Variants in SHOC1 observed in about 807,000 individuals in gnomAD.
SHOC1 encodes protein shortage in chiasmata 1 ortholog.
In SHOC1, 136 loss-of-function variants were observed where a neutral mutation model predicts 179.2. That is an observed-to-expected ratio of 0.76 (90% CI 0.66 to 0.87). The LOEUF (loss-of-function observed/expected upper bound fraction) is 0.87, where lower values mean the gene tolerates loss of function less well. Among genes scored for constraint, SHOC1 ranks in the 40% least tolerant of loss-of-function variants. The pLI is 0.00. For synonymous variants in SHOC1, 489 were observed against 586.6 expected (o/e 0.83, Z 2.41); for missense variants, 1,538 against 1,700.8 (o/e 0.90, Z 1.68).
intron 24 of SHOC1, among the ~76,000 whole-genome samples, chr9:111,694,587 C>T (rs935362764): frequency 1.3e-5 from 2 of 151,818 alleles, no homozygotes; most frequent in Non-Finnish European, 2.9e-5. Flanking sequence ...ATTTTTGGAA[C>T]TAAATCATTT....
intron 3 of SHOC1, among the ~76,000 whole-genome samples, chr9:111,784,825 GAA>G (rs1836204764): frequency 6.6e-6 from 1 of 152,146 alleles, no homozygotes; most frequent in Non-Finnish European, 1.5e-5. Context: ...TCACATGGCA[GAA>G]AGGTCAAGGG....
At position 111,693,865 on chromosome 9, in the gene SHOC1, C is replaced by T. The variant is rs762537168; in HGVS notation, c.3399G>A (p.Trp1133Ter). The T allele has an allele frequency of 2.5e-6, 4 of 1,611,230 alleles. No individual in the cohort carries two copies. The highest frequency in any genetic ancestry group is 3.4e-6 in the Non-Finnish European group (4 of 1,177,810). The change falls in exon 26 of 28, where the codon TGG becomes TGA. Residue 1133 changes from tryptophan to a stop codon, truncating the protein, a stop_gained. Transcript: ENST00000682961. LOFTEE classifies it high-confidence loss of function. ...GTTGACACAGAGTTGCTAATAATAT[C>T]CAATGCAGTGAAGGTCCTTTATTTA... ...LMLNKGPSLH[W>*]ILLATLCQLQ...
intron 8 of SHOC1, among the ~76,000 whole-genome samples, chr9:111,752,924 G>A (rs62572566): frequency 0.076 from 11,554 of 152,070 alleles, 632 homozygotes; most frequent in South Asian, 0.21. Context: ...GAATAAAAAT[G>A]AACAGAGGCC....
chr9:111,712,488 G>A (rs1198984606), intron 18 of SHOC1, among the ~76,000 whole-genome samples: 1 of 152,074 alleles, frequency 6.6e-6, no homozygotes, highest in East Asian at 1.9e-4. Context: ...TTATATGAGA[G>A]GAAGTAGTAT....
intron 3 of SHOC1, among the ~76,000 whole-genome samples, chr9:111,781,939 G>GA (rs1006401319): frequency 2.0e-5 from 3 of 151,798 alleles, no homozygotes; most frequent in East Asian, 1.9e-4. Context: ...TGAAAAACAT[G>GA]AAAAAAAATA....
In SHOC1 at chr9:111,706,679, A is replaced by G. The variant is rs1307495080; in HGVS notation, c.2626T>C (p.Phe876Leu). ...TCCACATAATTGTATTCCACCACAA[A>G]TGAGAAATTACTCCAGGGGAAATCT... The part of the protein sequence containing the change: ...GADFPWSNFS[F>L]VVEYNYVEDS... Residue 876 changes from phenylalanine to leucine, a missense_variant, in exon 20 of 28, where the codon TTT (phenylalanine) becomes CTT (leucine). Phe to Leu is a conservative substitution (Grantham distance 22, BLOSUM62 0). Coordinates refer to ENST00000682961, the MANE Select transcript of SHOC1 (RefSeq NM_001378211.1). 1.3e-5 allele frequency: 21 copies of G among 1,609,900 alleles called. No individual in the cohort carries two copies. Among genetic ancestry groups the G allele is most frequent in the Non-Finnish European group, 1.8e-5 (21 of 1,177,368 alleles).
intron 27 of SHOC1, among the ~76,000 whole-genome samples, chr9:111,689,710 A>T (rs1054741081): frequency 1.3e-5 from 2 of 152,096 alleles, no homozygotes; most frequent in African/African-American, 2.4e-5. Flanking sequence ...TAACTTGGAA[A>T]TTGGAAGAAA....
chr9:111,791,448 T>C lies in SHOC1; in HGVS notation c.-30A>G. 1 of 1,403,016 alleles carries C rather than the reference T, an allele frequency of 7.1e-7. No individual in the cohort carries two copies. The highest frequency in any genetic ancestry group is 9.5e-7 in the Non-Finnish European group (1 of 1,056,282). The allele number at this position is 1,403,016 out of a possible 1,614,324, so 86.9% of individuals were successfully genotyped here. ...TCTTTCTTTCAAAGCAGTGTAAATT[T>C]CAACATCTGGAAATACAAAAATTAA... On this transcript the variant is annotated 5_prime_UTR_variant, in exon 2 of 28. Transcript: ENST00000682961.
intron 16 of SHOC1, among the ~76,000 whole-genome samples, chr9:111,716,364 ATTTC>A (rs1832786633): frequency 3.5e-5 from 4 of 112,786 alleles, no homozygotes; most frequent in African/African-American, 1.3e-4. Flanking sequence ...CATAAATATT[ATTTC>A]TTTCTTTTCT....
In SHOC1 at chr9:111,743,106, ATTG is replaced by A. The variant is rs561428401; in HGVS notation, c.1080-1539_1080-1537del. 2.5e-3 allele frequency among the ~76,000 whole-genome samples: 382 copies of A among 152,324 alleles called. 1 individual carries two copies. Among genetic ancestry groups the A allele is most frequent in the African/African-American group, 8.2e-3 (341 of 41,570 alleles). On this transcript the variant is annotated intron_variant, in intron 10 of 27. Coordinates refer to ENST00000682961, the MANE Select transcript of SHOC1 (RefSeq NM_001378211.1). ...CTTATATGTGGTAGGCACTAAAAAT[ATTG>A]TTAACTGGGTATTATTTTCAGCCAA...
At chr9:111,774,872 A>T (rs1350636639) in intron 5 of SHOC1, among the ~76,000 whole-genome samples, 1 of 152,202 alleles carries the variant, frequency 6.6e-6, no homozygotes. Flanking sequence ...ATAATTTAAA[A>T]AAAGAATAGG....
Position 111,692,082 on chromosome 9 carries a change from G to C in SHOC1, c.3895C>G (p.Leu1299Val). 1 of 1,613,680 alleles carries C rather than the reference G, an allele frequency of 6.2e-7. No individual in the cohort carries two copies. Among genetic ancestry groups the C allele is most frequent in the Non-Finnish European group, 8.5e-7 (1 of 1,179,716 alleles). ...ATAGTTTCACAGTTCATTTGTGTTA[G>C]ACCCAAAGAAAAGACATCTGACTCT... ...DSESDVFSLG[L>V]TQMNCETIKS... Residue 1299 changes from leucine to valine, a missense_variant, in exon 27 of 28, where the codon CTA becomes GTA. By Grantham distance (32) the Leu-to-Val change is conservative. Transcript: ENST00000682961.
chr9:111,768,857 C>T (rs1835459092), intron 5 of SHOC1, among the ~76,000 whole-genome samples: 1 of 143,390 alleles, frequency 7.0e-6, no homozygotes, highest in African/African-American at 2.5e-5. Flanking sequence ...GAAGAAAGAC[C>T]TTCAATTTTT....
chr9:111,707,191 C>T (rs1316765186), intron 19 of SHOC1, among the ~76,000 whole-genome samples: 1 of 151,756 alleles, frequency 6.6e-6, no homozygotes, highest in Non-Finnish European at 1.5e-5. Flanking sequence ...AAAAGATGGA[C>T]ACTTAAATAT....
chr9:111,774,247 G>A (rs7851286), intron 5 of SHOC1, among the ~76,000 whole-genome samples: 28,602 of 151,864 alleles, frequency 0.19, 2,891 homozygotes, highest in Non-Finnish European at 0.22. Flanking sequence ...ATATATAATA[G>A]AAATAAATTA....
intron 5 of SHOC1, among the ~76,000 whole-genome samples, chr9:111,772,368 GA>G (rs1285820412): frequency 2.6e-5 from 4 of 152,206 alleles, no homozygotes; most frequent in Admixed American, 2.6e-4. Flanking sequence ...CTGCTCTTTT[GA>G]ATTTTTGGTC....
chr9:111,749,075 C>CCTTTTGG (rs1261709706), intron 8 of SHOC1, among the ~76,000 whole-genome samples: 2 of 140,412 alleles, frequency 1.4e-5, no homozygotes, highest in Non-Finnish European at 3.0e-5. Context: ...TTATTTTTTA[C>CCTTTTGG]CTTTTGGCTT....
At chr9:111,692,679 C>A (rs1037311189) in intron 26 of SHOC1, among the ~76,000 whole-genome samples, 168 bp from the exon 27 acceptor site, 4 of 152,098 alleles carry the variant, frequency 2.6e-5, no homozygotes, top group Admixed American at 1.3e-4. Context: ...AAGAAAAATT[C>A]ATTGTAATTC....
chr9:111,713,511 A>G (rs1005210619), intron 17 of SHOC1, among the ~76,000 whole-genome samples: 10 of 152,180 alleles, frequency 6.6e-5, no homozygotes, highest in African/African-American at 2.4e-4. Flanking sequence ...ATCTGCTGCT[A>G]TATTTTGCTA....
Sources: allele counts gnomAD v4.1 joint callset (sites outside exome capture counted in the v4.1 genomes callset), GRCh38; gene constraint gnomAD v4.1.1; transcripts MANE v1.5; gene names NCBI Gene and HGNC (gene_info 2026-07-23, HGNC 2026-07-21).